Variants in ZNF367 observed in about 807,000 individuals in gnomAD.
ZNF367 encodes C2H2 zinc finger protein ZFF29.
In ZNF367, 11 loss-of-function variants were observed where a neutral mutation model predicts 31.8. The observed-to-expected ratio is 0.35, with a 90% CI of 0.22 to 0.57. ZNF367 has a LOEUF of 0.57. Ranked by LOEUF, ZNF367 falls within the 20% of genes least tolerant of loss-of-function variation. ZNF367 has a pLI of 0.85. For missense variants in ZNF367, 353 were observed against 484.1 expected, an observed-to-expected ratio of 0.73 and a Z score of 2.54; for synonymous variants, 199 against 202.4, an observed-to-expected ratio of 0.98 and a Z score of 0.14.
intron 1 of ZNF367, among the ~76,000 whole-genome samples, chr9:96,402,619 A>ATTTTTTTTTT (rs61651699): frequency 1.4e-5 from 1 of 70,200 alleles, no homozygotes; most frequent in African/African-American, 6.5e-5. Flanking sequence ...CGCCTGGCTA[A>ATTTTTTTTTT]TTTTTTTTTT....
At position 96,415,472 on chromosome 9, in the gene ZNF367, TTTC is replaced by T. The variant is rs1831809369; in HGVS notation, c.420+2138_420+2140del. Among the ~76,000 whole-genome samples, 2 of 143,184 alleles carry T rather than the reference TTTC, an allele frequency of 1.4e-5. 1 individual carries two copies. Among genetic ancestry groups the T allele is most frequent in the South Asian group, 4.4e-4 (2 of 4,566 alleles). 93.9% of individuals were successfully genotyped at this position (143,184 alleles called of 152,430 possible). On this transcript the variant is annotated intron_variant, in intron 1 of 4. Transcript: ENST00000375256. ...ATACTATCAACGCTTCTATCGTTAG[TTTC>T]TTCATTTTTTTTTTTTTTTTTTTTT...
chr9:96,418,057 G>A lies in ZNF367; in HGVS notation c.-25C>T, dbSNP rs1831860164. On this transcript the variant is annotated 5_prime_UTR_variant, in exon 1 of 5. Transcript: ENST00000375256. ...TCGCCCGGCCCGACCCCCAGCTCCG[G>A]CGGCCCCGGGCCGCACTCCTGAGCA... is the stretch of plus-strand genomic sequence containing the variant. The A allele has an allele frequency of 7.4e-7, 1 of 1,352,022 alleles. No individual in the cohort carries two copies. Among genetic ancestry groups the A allele is most frequent in the African/African-American group, 1.5e-5 (1 of 65,038 alleles). The allele number at this position is 1,352,022 out of a possible 1,614,324, so 83.8% of individuals were successfully genotyped here.
chr9:96,415,478 C>CTTTTTTTTTT (rs1564146059), intron 1 of ZNF367, among the ~76,000 whole-genome samples: 2 of 65,520 alleles, frequency 3.1e-5, no homozygotes, highest in African/African-American at 5.6e-5. Context: ...TTAGTTTCTT[C>CTTTTTTTTTT]ATTTTTTTTT....
At chr9:96,403,360 A>G (rs1475018555) in intron 1 of ZNF367, among the ~76,000 whole-genome samples, 1 of 152,232 alleles carries the variant, frequency 6.6e-6, no homozygotes, top group Non-Finnish European at 1.5e-5. Context: ...AACACAACAT[A>G]CCAAACTTAT....
chr9:96,414,592 C>G (rs1831793943), intron 1 of ZNF367, among the ~76,000 whole-genome samples: 1 of 152,218 alleles, frequency 6.6e-6, no homozygotes, highest in South Asian at 2.1e-4. Context: ...ATTCTCCTGC[C>G]TTAGCCTCCC....
intron 1 of ZNF367, among the ~76,000 whole-genome samples, chr9:96,416,580 T>C (rs1357431369): frequency 6.6e-6 from 1 of 152,252 alleles, no homozygotes; most frequent in African/African-American, 2.4e-5. Flanking sequence ...TTTCAACTTA[T>C]ACATTATGTG....
intron 1 of ZNF367, among the ~76,000 whole-genome samples, chr9:96,399,267 T>C (rs1219844051): frequency 6.6e-6 from 1 of 152,038 alleles, no homozygotes; most frequent in Non-Finnish European, 1.5e-5. Context: ...GCAACCACAG[T>C]GTCCCCCAAC....
At chr9:96,406,867 T>TG (rs950104507) in intron 1 of ZNF367, among the ~76,000 whole-genome samples, 5 of 150,128 alleles carry the variant, frequency 3.3e-5, no homozygotes, top group African/African-American at 7.3e-5. Flanking sequence ...CTGGGCGCGG[T>TG]GGGGGGCGCC....
chr9:96,388,942 T>C (rs1831437056), intron 4 of ZNF367, among the ~76,000 whole-genome samples: 1 of 152,248 alleles, frequency 6.6e-6, no homozygotes, highest in African/African-American at 2.4e-5. Flanking sequence ...CTTATTCTGT[T>C]ACATGGCCAA....
In ZNF367 at chr9:96,413,961, T is replaced by C. The variant is rs535652970; in HGVS notation, c.420+3652A>G. 3.3e-5 allele frequency among the ~76,000 whole-genome samples: 5 copies of C among 152,302 alleles called. No individual in the cohort carries two copies. The South Asian group carries it at 1.0e-3, about 32-fold the overall frequency. On this transcript the variant is annotated intron_variant, in intron 1 of 4. Transcript: ENST00000375256. ...GGGAGAATGTTATTGGCACTGGCTATATTGCAGACTTGTCTCCTCTCTTCC... is the reference window on the plus strand; with the variant it reads ...GGGAGAATGTTATTGGCACTGGCTACATTGCAGACTTGTCTCCTCTCTTCC...
At chr9:96,401,427 G>T (rs533360885) in intron 1 of ZNF367, among the ~76,000 whole-genome samples, 1 of 152,000 alleles carries the variant, frequency 6.6e-6, no homozygotes, top group Non-Finnish European at 1.5e-5. Flanking sequence ...TTGGGAAGCC[G>T]AGGCGGGCAG....
chr9:96,410,038 G>A (rs1003747117), intron 1 of ZNF367, among the ~76,000 whole-genome samples: 1 of 152,136 alleles, frequency 6.6e-6, no homozygotes, highest in African/African-American at 2.4e-5. Flanking sequence ...CACTTTGGGA[G>A]GTCGAGGTGG....
At chr9:96,412,036 A>G (rs1831757480) in intron 1 of ZNF367, among the ~76,000 whole-genome samples, 1 of 152,226 alleles carries the variant, frequency 6.6e-6, no homozygotes, top group Non-Finnish European at 1.5e-5. Flanking sequence ...AAGACAAAAC[A>G]AATAATCATA....
rs914796739 is a variant in ZNF367, at chr9:96,395,885, A to G, written c.572-943T>C. ...AATGATAATTAAACATTATTTATTG[A>G]AAAAAACATTATTTAATCAACAATT... is the stretch of plus-strand genomic sequence containing the variant. On this transcript the variant is annotated intron_variant, in intron 2 of 4. Transcript: ENST00000375256. Among the ~76,000 whole-genome samples the G allele has an allele frequency of 3.3e-5, 5 of 152,298 alleles. No homozygotes were observed. In the East Asian group the frequency reaches 9.6e-4, roughly 29 times the overall value.
At chr9:96,407,452 G>A (rs1831685125) in intron 1 of ZNF367, 4 of 1,382,230 alleles carry the variant, frequency 2.9e-6, no homozygotes, top group African/African-American at 1.4e-5. Flanking sequence ...GCGCCATGCT[G>A]AGAAAATATA....
In ZNF367 at chr9:96,417,637, G is replaced by A; in HGVS notation, c.396C>T (p.Ser132=). ...CCTTGAGGTGGCCGCTGTCTGGGCT[G>A]CTCGCTTCCTCCTCGTCCTCACCTC... ...ASGGEDEEEA[S]SPDSGHLKDG... The change falls in exon 1 of 5, where the codon AGC becomes AGT. Residue 132 remains serine (S), a synonymous_variant. Transcript: ENST00000375256. This position sits in a 1 kb window ranked among gnomAD's most constrained non-coding sequence, Gnocchi z 5.0. 1 of 827,486 alleles carries A rather than the reference G, an allele frequency of 1.2e-6. No individual in the cohort carries two copies. Among genetic ancestry groups the A allele is most frequent in the Non-Finnish European group, 1.6e-6 (1 of 625,506 alleles). 51.3% of individuals were successfully genotyped at this position (827,486 alleles called of 1,614,324 possible). A position where few individuals can be genotyped will look rare whatever the true frequency, so the allele number is the denominator to read the frequency against.
chr9:96,394,369 G>T (rs1229266993), intron 3 of ZNF367, among the ~76,000 whole-genome samples: 1 of 152,160 alleles, frequency 6.6e-6, no homozygotes, highest in Non-Finnish European at 1.5e-5. Flanking sequence ...GGGCAGGTAA[G>T]GATGGTTAAT....
intron 2 of ZNF367, among the ~76,000 whole-genome samples, chr9:96,397,435 T>C (rs1336543952): frequency 2.0e-5 from 3 of 152,220 alleles, no homozygotes; most frequent in African/African-American, 7.2e-5. Flanking sequence ...ATTTAATGCT[T>C]AGGTCAAATG....
intron 1 of ZNF367, among the ~76,000 whole-genome samples, chr9:96,411,370 G>A (rs1332210743): frequency 1.3e-5 from 2 of 150,288 alleles, no homozygotes; most frequent in African/African-American, 2.5e-5. Flanking sequence ...AGCATAGCAA[G>A]ACCCCTGTCT....
Sources: allele counts gnomAD v4.1 joint callset (sites outside exome capture counted in the v4.1 genomes callset), GRCh38; gene constraint gnomAD v4.1.1; non-coding constraint Gnocchi (gnomAD v3.1); transcripts MANE v1.5; gene names NCBI Gene and HGNC (gene_info 2026-07-23, HGNC 2026-07-21).